Variants in TNFRSF19 observed in about 807,000 individuals in gnomAD.
TNFRSF19 encodes tumor necrosis factor receptor superfamily member 19.
Under a neutral mutation model 46.4 loss-of-function variants are expected in TNFRSF19, and 27 were observed. The ratio of observed to expected loss-of-function variants is 0.58; its 90% CI spans 0.43 to 0.80. The LOEUF is 0.80. TNFRSF19 is among the 30% of genes least tolerant of loss of function. The pLI, the probability that TNFRSF19 is intolerant of heterozygous loss-of-function variation, is 0.00. For synonymous variants in TNFRSF19, 204 were observed against 205.0 expected (o/e 1.00, Z 0.04); for missense variants, 511 against 530.8 (o/e 0.96, Z 0.37).
intron 4 of TNFRSF19, among the ~76,000 whole-genome samples, chr13:23,620,831 C>A (rs941712488): frequency 6.6e-6 from 1 of 152,170 alleles, no homozygotes; most frequent in Non-Finnish European, 1.5e-5. Context: ...AGGCTGGCCC[C>A]TGCCAGCTCT....
chr13:23,642,314 TG>T (rs1216261293), intron 5 of TNFRSF19, among the ~76,000 whole-genome samples: 1 of 152,212 alleles, frequency 6.6e-6, no homozygotes, highest in African/African-American at 2.4e-5. Context: ...CTCCAGATTC[TG>T]ACATAATCAT....
intron 3 of TNFRSF19, among the ~76,000 whole-genome samples, chr13:23,614,791 G>A (rs1377790894): frequency 7.4e-6 from 1 of 134,512 alleles, no homozygotes; most frequent in Non-Finnish European, 1.6e-5. Context: ...GCCCTGTAGT[G>A]TAGTGGTTAT....
intron 1 of TNFRSF19, among the ~76,000 whole-genome samples, chr13:23,584,982 T>C (rs1878717746): frequency 6.6e-6 from 1 of 152,200 alleles, no homozygotes; most frequent in Admixed American, 6.5e-5. Context: ...TAATTAATGT[T>C]TTATTCTCTT....
Position 23,615,961 on chromosome 13 carries a change from G to A in TNFRSF19, c.275G>A (p.Cys92Tyr). 1.2e-6 allele frequency: 2 copies of A among 1,614,062 alleles called. No individual in the cohort carries two copies. Among genetic ancestry groups the A allele is most frequent in the Non-Finnish European group, 1.7e-6 (2 of 1,179,938 alleles). ...TGGGGCTTCCAGAAATGCAAGCCCT[G>A]TCTGGACTGCGCAGTGGTGAACCGC... ...EDWGFQKCKPCLDCAVVNRFQ... is the reference protein window; with the variant it reads ...EDWGFQKCKPYLDCAVVNRFQ... The change falls in exon 4 of 10, where the codon TGT (cysteine) becomes TAT (tyrosine). Residue 92 changes from cysteine to tyrosine, a missense_variant. Physicochemically the swap from Cys to Tyr is radical, Grantham distance 194. Around this residue, in one of 3 missense-constraint regions of TNFRSF19, gnomAD observed 121 missense variants for 124.1 expected, o/e 0.98. Transcript: ENST00000248484.
At chr13:23,638,762 G>A (rs189015332) in intron 5 of TNFRSF19, among the ~76,000 whole-genome samples, 10 of 152,034 alleles carry the variant, frequency 6.6e-5, no homozygotes, top group Non-Finnish European at 1.3e-4. Flanking sequence ...CCCTCACCCC[G>A]TGCCTCTGAA....
At chr13:23,640,632 G>A (rs1882982940) in intron 5 of TNFRSF19, among the ~76,000 whole-genome samples, 1 of 152,132 alleles carries the variant, frequency 6.6e-6, no homozygotes, top group Non-Finnish European at 1.5e-5. Context: ...TTTCCATGTT[G>A]GCAAACTGTA....
intron 7 of TNFRSF19, among the ~76,000 whole-genome samples, chr13:23,662,515 A>G (rs192664925): frequency 6.6e-6 from 1 of 152,248 alleles, no homozygotes; most frequent in East Asian, 1.9e-4. Flanking sequence ...TACAGGGTCT[A>G]TTTTGGTTCC....
chr13:23,663,687 G>A (rs2138402818), intron 7 of TNFRSF19, among the ~76,000 whole-genome samples: 2 of 152,164 alleles, frequency 1.3e-5, no homozygotes, highest in African/African-American at 4.8e-5. Context: ...CAGTTTTGGA[G>A]CTCATTTTCG....
intron 3 of TNFRSF19, among the ~76,000 whole-genome samples, chr13:23,607,938 C>A (rs1406606057): frequency 1.3e-5 from 2 of 152,140 alleles, no homozygotes; most frequent in Non-Finnish European, 2.9e-5. Flanking sequence ...CTTTGGAAGG[C>A]ATTCAATTCT....
chr13:23,622,872 A>G (rs1209107979), intron 4 of TNFRSF19, among the ~76,000 whole-genome samples: 2 of 152,176 alleles, frequency 1.3e-5, no homozygotes, highest in East Asian at 1.9e-4. Flanking sequence ...ATGTGTTACA[A>G]TGTTTAGCAA....
At chr13:23,575,043 T>C (rs1686286788) in intron 1 of TNFRSF19, among the ~76,000 whole-genome samples, 1 of 152,262 alleles carries the variant, frequency 6.6e-6, no homozygotes, top group South Asian at 2.1e-4. Context: ...GATAGTTTTC[T>C]CCATCCTGTT....
chr13:23,576,019 T>G (rs1001291203), intron 1 of TNFRSF19, among the ~76,000 whole-genome samples: 34 of 152,334 alleles, frequency 2.2e-4, no homozygotes, highest in Middle Eastern at 3.4e-3. Flanking sequence ...ATTTTGCTTT[T>G]CCAGTAAAAA....
At chr13:23,589,941 A>G (rs887070917) in intron 1 of TNFRSF19, among the ~76,000 whole-genome samples, 2 of 152,228 alleles carry the variant, frequency 1.3e-5, no homozygotes, top group African/African-American at 4.8e-5. Context: ...CATATAATGT[A>G]TAGGTAAACA....
At chr13:23,661,544 C>T (rs1292889521) in intron 7 of TNFRSF19, among the ~76,000 whole-genome samples, 2 of 152,156 alleles carry the variant, frequency 1.3e-5, no homozygotes, top group Non-Finnish European at 2.9e-5. Flanking sequence ...TTATATTCCT[C>T]TGGGTATAAA....
chr13:23,583,747 T>C (rs1374191543), intron 1 of TNFRSF19, among the ~76,000 whole-genome samples: 1 of 152,194 alleles, frequency 6.6e-6, no homozygotes, highest in African/African-American at 2.4e-5. Flanking sequence ...GTATCCAGAC[T>C]TCCTTCTAAA....
At chr13:23,644,588 C>A (rs1305036449) in intron 5 of TNFRSF19, among the ~76,000 whole-genome samples, 1 of 152,166 alleles carries the variant, frequency 6.6e-6, no homozygotes, top group Non-Finnish European at 1.5e-5. Flanking sequence ...TTATTAGCAT[C>A]ATGAGAACAG....
Position 23,669,552 on chromosome 13 carries a change from T to C in TNFRSF19, c.1245+455T>C, listed in dbSNP as rs191697504. The C allele has an allele frequency of 1.5e-4, 144 of 985,384 alleles. No individual in the cohort carries two copies. The African/African-American group carries it at 2.2e-3, about 15-fold the overall frequency. The allele number at this position is 985,384 out of a possible 1,614,324, so 61.0% of individuals were successfully genotyped here. On this transcript the variant is annotated intron_variant, in intron 9 of 9. Transcript: ENST00000248484. Reference sequence around the variant, plus strand: ...CCTAAAGCTGCTCTTTTCCCTCCTCTCTCCTTGGCTGTTGTTTTCTGGATC... The same window carrying C: ...CCTAAAGCTGCTCTTTTCCCTCCTCCCTCCTTGGCTGTTGTTTTCTGGATC...
chr13:23,616,140 G>A, intron 4 of TNFRSF19, 95 bp downstream of exon 4: 2 of 1,272,266 alleles, frequency 1.6e-6, no homozygotes, highest in Non-Finnish European at 2.1e-6. Flanking sequence ...AATGCATGCT[G>A]GTATTAACCT....
intron 5 of TNFRSF19, among the ~76,000 whole-genome samples, chr13:23,652,534 C>T (rs1883712805): frequency 6.6e-6 from 1 of 152,196 alleles, no homozygotes; most frequent in Non-Finnish European, 1.5e-5. Context: ...GTTTGATATT[C>T]ATTCCAAGGA....
Sources: allele counts gnomAD v4.1 joint callset (sites outside exome capture counted in the v4.1 genomes callset), GRCh38; gene constraint gnomAD v4.1.1; regional missense constraint gnomAD v4.1.1; transcripts MANE v1.5; gene names NCBI Gene and HGNC (gene_info 2026-07-23, HGNC 2026-07-21).